ASIC2: variants seen among roughly 807,000 people sequenced by gnomAD.
The protein encoded by ASIC2 is acid-sensing ion channel 2.
A neutral mutation model predicts 57.3 loss-of-function variants in ASIC2; 25 were observed. The ratio of observed to expected loss-of-function variants is 0.44; its 90% confidence interval spans 0.32 to 0.61. The LOEUF is 0.61. Ranked by LOEUF, ASIC2 falls within the 20% of genes least tolerant of loss-of-function variation. The probability of loss-of-function intolerance (pLI) is 0.06; values close to 1 mark genes in which losing one functional copy is unlikely to be tolerated. For missense variants in ASIC2, 641 were observed against 738.1 expected (o/e 0.87, Z 1.52); for synonymous variants, 319 against 307.5 (o/e 1.04, Z -0.39).
At chr17:34,086,720 C>G (rs1341978628) in intron 1 of ASIC2, among the ~76,000 whole-genome samples, 2 of 152,114 alleles carry the variant, frequency 1.3e-5, no homozygotes, top group East Asian at 1.9e-4. Flanking sequence ...AATCTGGGTG[C>G]TCCTGTATTG....
intron 1 of ASIC2, among the ~76,000 whole-genome samples, chr17:33,270,470 C>G (rs1351245197): frequency 6.6e-6 from 1 of 152,190 alleles, no homozygotes; most frequent in Non-Finnish European, 1.5e-5. Flanking sequence ...TCCATACACC[C>G]TGTTTAAAAT....
In ASIC2 at chr17:33,367,754, A is replaced by G. The variant is rs375615014; in HGVS notation, c.556-255687T>C. ...GATAAGACTGCCACCATTGTTAACA[A>G]GGACCACAAAACAAAACAATAACCT... On this transcript the variant is annotated intron_variant, in intron 1 of 9. Coordinates refer to the ASIC2 transcript ENST00000359872. Among the ~76,000 whole-genome samples, 20 of 152,364 alleles carry G rather than the reference A, an allele frequency of 1.3e-4. No homozygotes were observed. In the East Asian group the frequency reaches 3.1e-3, roughly 24 times the overall value.
intron 1 of ASIC2, among the ~76,000 whole-genome samples, chr17:33,621,656 G>A (rs373258001): frequency 8.5e-5 from 13 of 152,334 alleles, no homozygotes; most frequent in African/African-American, 3.1e-4. Context: ...TGGGGTCAGT[G>A]TGTCGGAATC....
At chr17:33,787,744 G>T (rs1180025638) in intron 1 of ASIC2, among the ~76,000 whole-genome samples, 1 of 152,174 alleles carries the variant, frequency 6.6e-6, no homozygotes, top group Admixed American at 6.5e-5. Context: ...CTGGGAGGTA[G>T]GTGTGTGATA....
intron 1 of ASIC2, among the ~76,000 whole-genome samples, chr17:33,183,133 G>C (rs1198931225): frequency 6.6e-6 from 1 of 152,176 alleles, no homozygotes; most frequent in Non-Finnish European, 1.5e-5. Flanking sequence ...AAGATTTGAA[G>C]CCCATCTGCC....
intron 1 of ASIC2, among the ~76,000 whole-genome samples, chr17:33,891,399 T>C (rs1914956545): frequency 1.3e-5 from 2 of 152,092 alleles, no homozygotes; most frequent in Non-Finnish European, 2.9e-5. Context: ...GAAAGGCTTT[T>C]ACTAAATTAT....
intron 1 of ASIC2, among the ~76,000 whole-genome samples, chr17:33,612,409 G>A (rs7221496): frequency 0.068 from 10,382 of 152,150 alleles, 1,062 homozygotes; most frequent in African/African-American, 0.22. Flanking sequence ...TGGCAAAAGG[G>A]CGTTTTGGGG....
chr17:33,643,152 C>G (rs994997176), intron 1 of ASIC2, among the ~76,000 whole-genome samples: 17 of 150,394 alleles, frequency 1.1e-4, no homozygotes, highest in Non-Finnish European at 2.1e-4. Flanking sequence ...TCATTTCCCC[C>G]CCCCCACATT....
At chr17:33,086,563 C>T (rs1425441567) in intron 3 of ASIC2, among the ~76,000 whole-genome samples, 1 of 152,192 alleles carries the variant, frequency 6.6e-6, no homozygotes, top group Non-Finnish European at 1.5e-5. Flanking sequence ...CTCTCCTTGA[C>T]CAGACTCTAG....
chr17:33,623,242 T>TGTTTG (rs1555547987), intron 1 of ASIC2, among the ~76,000 whole-genome samples: 1 of 73,814 alleles, frequency 1.4e-5, no homozygotes, highest in African/African-American at 6.0e-5. Flanking sequence ...TATCGTTTTT[T>TGTTTG]TTTGTTTGTT....
At chr17:33,120,198 G>A (rs1394490161) in intron 1 of ASIC2, among the ~76,000 whole-genome samples, 1 of 152,140 alleles carries the variant, frequency 6.6e-6, no homozygotes, top group African/African-American at 2.4e-5. Flanking sequence ...CATGCCCTGG[G>A]GCCCATCTGC....
At chr17:34,025,286 C>A (rs1907331873) in intron 1 of ASIC2, among the ~76,000 whole-genome samples, 1 of 152,222 alleles carries the variant, frequency 6.6e-6, no homozygotes, top group Non-Finnish European at 1.5e-5. Context: ...ATCATAGAAC[C>A]TTTAAAGAAT....
At chr17:33,965,738 T>C (rs1182209243) in intron 1 of ASIC2, among the ~76,000 whole-genome samples, 1 of 152,216 alleles carries the variant, frequency 6.6e-6, no homozygotes, top group Non-Finnish European at 1.5e-5. Flanking sequence ...CCCAGGCAGA[T>C]TGGCTCCAGC....
chr17:33,462,759 G>A (rs1028699850), intron 1 of ASIC2, among the ~76,000 whole-genome samples: 26 of 152,210 alleles, frequency 1.7e-4, no homozygotes, highest in Admixed American at 1.2e-3. Flanking sequence ...GGATCTGGAG[G>A]TAAATGAAAC....
chr17:33,615,977 A>C (rs1268616823), intron 1 of ASIC2, among the ~76,000 whole-genome samples: 2 of 152,228 alleles, frequency 1.3e-5, no homozygotes, highest in African/African-American at 4.8e-5. Flanking sequence ...AGTTTACAAA[A>C]GAGATTAGCA....
At chr17:33,319,773 A>G (rs968965250) in intron 1 of ASIC2, among the ~76,000 whole-genome samples, 1 of 152,174 alleles carries the variant, frequency 6.6e-6, no homozygotes, top group East Asian at 1.9e-4. Context: ...GGCTCAAGCA[A>G]TTTACCCTCC....
intron 1 of ASIC2, among the ~76,000 whole-genome samples, chr17:34,099,535 AG>A (rs372325697): frequency 2.1e-5 from 3 of 144,140 alleles, no homozygotes; most frequent in East Asian, 2.2e-4. Context: ...AAAGAAAGAA[AG>A]GAAAGAAAGA....
chr17:33,667,995 T>C (rs1907529861), intron 1 of ASIC2, among the ~76,000 whole-genome samples: 1 of 152,176 alleles, frequency 6.6e-6, no homozygotes, highest in Non-Finnish European at 1.5e-5. Context: ...ACTACAGTTA[T>C]CTTTAGATCA....
chr17:34,132,522 C>A (rs1287542693), intron 1 of ASIC2, among the ~76,000 whole-genome samples: 3 of 152,140 alleles, frequency 2.0e-5, no homozygotes. Flanking sequence ...CTGCAACTGG[C>A]TACTTTTAGG....
Sources: allele counts gnomAD v4.1 joint callset (sites outside exome capture counted in the v4.1 genomes callset), GRCh38; gene constraint gnomAD v4.1.1; transcripts MANE v1.5; gene names NCBI Gene and HGNC (gene_info 2026-07-23, HGNC 2026-07-21).